Variants in CLCNKA observed in about 807,000 individuals in gnomAD.
CLCNKA encodes the protein chloride channel protein ClC-Ka.
CLCNKA carries 66 observed loss-of-function variants against 83.3 expected under a neutral mutation model. The ratio of observed to expected loss-of-function variants is 0.79; its 90% CI spans 0.65 to 0.97. The LOEUF (loss-of-function observed/expected upper bound fraction) is 0.97. CLCNKA is among the 50% of genes least tolerant of loss of function. The probability of loss-of-function intolerance (pLI) is 0.00; values close to 1 mark genes in which losing one functional copy is unlikely to be tolerated. For synonymous variants in CLCNKA, 357 were observed against 370.4 expected, an observed-to-expected ratio of 0.96 and a Z score of 0.42; for missense variants, 806 against 888.7, an observed-to-expected ratio of 0.91 and a Z score of 1.18.
intron 17 of CLCNKA, 62 bp downstream of exon 17, chr1:16,032,353 G>A: frequency 2.0e-6 from 3 of 1,538,082 alleles, no homozygotes; most frequent in Non-Finnish European, 2.7e-6. Context: ...TGGGAGGGGA[G>A]GGACCCGCTG....
Position 16,030,471 on chromosome 1 carries a change from C to T in CLCNKA, c.1419C>T (p.Ala473=). 1 of 1,612,752 alleles carries T rather than the reference C, an allele frequency of 6.2e-7. No individual in the cohort carries two copies. The highest frequency in any genetic ancestry group is 8.5e-7 in the Non-Finnish European group (1 of 1,179,936). The change falls in exon 15 of 20, where the codon GCC becomes GCT. Residue 473 remains alanine, a synonymous_variant. Transcript: ENST00000331433. ...GCTCTGCCCCGGCAGGGGCTGCAGC[C>T]TTCTCAGGGGCTGTGACCCACACCA... ...PGGYALAGAA[A]FSGAVTHTIS...
chr1:16,023,555 G>C (rs2022223956), intron 2 of CLCNKA, among the ~76,000 whole-genome samples: 1 of 152,192 alleles, frequency 6.6e-6, no homozygotes, highest in African/African-American at 2.4e-5. Flanking sequence ...GTAGCTCCAG[G>C]CTCACTCAGT....
chr1:16,026,274 G>GCCACCCCCCCCCCCCCACCCCCCCCCC, intron 5 of CLCNKA, 27 bp downstream of exon 5: 1 of 1,611,710 alleles, frequency 6.2e-7, no homozygotes, highest in South Asian at 1.1e-5. Flanking sequence ...GGGCACCCCA[G>GCCACCCCCCCCCCCCCACCCCCCCCCC]CCACCCCGCC....
In CLCNKA at chr1:16,026,731, C is replaced by G; in HGVS notation, c.611C>G (p.Ala204Gly). 1.9e-6 allele frequency: 3 copies of G among 1,613,606 alleles called. No individual in the cohort carries two copies. Among genetic ancestry groups the G allele is most frequent in the Non-Finnish European group, 2.5e-6 (3 of 1,179,838 alleles). Residue 204 changes from alanine to glycine, a missense_variant, in exon 7 of 20, where the codon GCG (alanine) becomes GGG (glycine). Physicochemically the swap from Ala to Gly is moderately conservative, Grantham distance 60. Transcript: ENST00000331433. ...AAGCAAAACGAAATGCTGGTGGCAG[C>G]GGCGGCAGTGGGCGTGGCCACAGTC... ...KSKQNEMLVA[A>G]AAVGVATVFA...
rs761719813 is a variant in CLCNKA at position 16,032,182 on chromosome 1, C to T, written c.1757-21C>T. On this transcript the variant is annotated intron_variant, in intron 16 of 19. Transcript: ENST00000331433. ...GTTTCTTCATAATGCACCTCCCTCC[C>T]TCTCCCTCTCTACTTGCCAGAGTCC... 2.5e-6 allele frequency: 4 copies of T among 1,604,852 alleles called. No homozygotes were observed. The South Asian group carries it at 4.4e-5, about 18-fold the overall frequency.
intron 13 of CLCNKA, 79 bp downstream of exon 13, chr1:16,029,879 G>T: frequency 6.2e-7 from 1 of 1,605,900 alleles, no homozygotes; most frequent in Admixed American, 1.7e-5. Flanking sequence ...CCCTCTTCCC[G>T]GGTGGTACTA....
chr1:16,029,015 G>A (rs1160005940), intron 11 of CLCNKA, 111 bp from the exon 12 acceptor site: 36 of 1,539,672 alleles, frequency 2.3e-5, no homozygotes, highest in Middle Eastern at 1.7e-4. Context: ...AAGGCCCCCC[G>A]CTGGGAAGTG....
intron 16 of CLCNKA, 102 bp downstream of exon 16, chr1:16,031,945 T>G (rs2022642791): frequency 3.2e-6 from 5 of 1,576,138 alleles, no homozygotes; most frequent in Non-Finnish European, 4.3e-6. Flanking sequence ...GCTCTGTGAC[T>G]TAGCAACCAA....
chr1:16,026,831 C>A (rs1438208903), intron 7 of CLCNKA, 56 bp downstream of exon 7: 1 of 1,599,910 alleles, frequency 6.3e-7, no homozygotes, highest in East Asian at 2.2e-5. Context: ...CCCCTCACAC[C>A]CTGGGCTCCC....
At chr1:16,028,503 C>G in intron 10 of CLCNKA, 1 of 651,674 alleles carries the variant, frequency 1.5e-6, no homozygotes, top group East Asian at 2.7e-5. Context: ...CCTAGCCTGC[C>G]TCTGCCCCAA....
rs138110172 is a variant in CLCNKA, at chr1:16,028,086, C to A, written c.935C>A (p.Thr312Asn). ...CQRTFLSFIKTNRYSSKLLAT... is the reference protein window; with the variant it reads ...CQRTFLSFIKNNRYSSKLLAT... ...CGAACCTTCCTCAGCTTCATCAAGA[C>A]CAATCGGTACAGCTCCAAACTGCTG... Residue 312 changes from threonine (T) to asparagine (N), a missense_variant, in exon 10 of 20, where the codon ACC (threonine) becomes AAC (asparagine). Physicochemically the swap from Thr to Asn is moderately conservative, Grantham distance 65. Coordinates refer to ENST00000331433, the MANE Select transcript of CLCNKA (RefSeq NM_004070.4). 1 of 1,577,602 alleles carries A rather than the reference C, an allele frequency of 6.3e-7. No homozygotes were observed. Among genetic ancestry groups the A allele is most frequent in the African/African-American group, 1.3e-5 (1 of 74,666 alleles).
chr1:16,033,163 C>T lies in CLCNKA; in HGVS notation c.1930-7C>T, dbSNP rs1207681431. 16 of 1,613,922 alleles carry T rather than the reference C, an allele frequency of 9.9e-6. No homozygotes were observed. The highest frequency in any genetic ancestry group is 1.4e-5 in the Non-Finnish European group (16 of 1,179,902). On this transcript the variant is annotated splice_polypyrimidine_tract_variant and splice_region_variant and intron_variant, in intron 18 of 19. Coordinates refer to ENST00000331433, the MANE Select transcript of CLCNKA (RefSeq NM_004070.4). ...CCTCCAGTGTTTCCTAACAATCCCC[C>T]ATCCAGGCACAAAACCTCTTTAAGC...
chr1:16,024,374 G>A (rs2022265458), intron 3 of CLCNKA, among the ~76,000 whole-genome samples: 1 of 152,214 alleles, frequency 6.6e-6, no homozygotes, highest in South Asian at 2.1e-4. Context: ...ACCCTCAGCT[G>A]CCAGAAGCAG....
Position 16,029,978 on chromosome 1 carries a change from G to A in CLCNKA, c.1311G>A (p.Gly437=). 1 of 1,611,846 alleles carries A rather than the reference G, an allele frequency of 6.2e-7. No homozygotes were observed. Among genetic ancestry groups the A allele is most frequent in the Non-Finnish European group, 8.5e-7 (1 of 1,178,232 alleles). ...GTCTGTGGCCAGGAGCTGCCATCGG[G>A]CGCCTCTTGGGAGAGGCTCTTGCCG... The part of the protein sequence containing the change: ...MPIFILGAAI[G]RLLGEALAVA... Residue 437 remains glycine, a synonymous_variant, in exon 14 of 20, where the codon GGG becomes GGA. Coordinates refer to ENST00000331433, the MANE Select transcript of CLCNKA (RefSeq NM_004070.4).
Position 16,023,912 on chromosome 1 carries a change from C to A in CLCNKA, c.213C>A (p.Ile71=). 1 of 1,614,128 alleles carries A rather than the reference C, an allele frequency of 6.2e-7. No homozygotes were observed. Among genetic ancestry groups the A allele is most frequent in the Non-Finnish European group, 8.5e-7 (1 of 1,179,996 alleles). ...ALVSYAMNFA[I]GCVVRAHQWL... ...TCAGCTATGCCATGAACTTTGCCATCGGGTGTGTGGTCCGAGGTAACTCTT... is the reference window on the plus strand; with the variant it reads ...TCAGCTATGCCATGAACTTTGCCATAGGGTGTGTGGTCCGAGGTAACTCTT... Residue 71 remains isoleucine (I), a synonymous_variant, in exon 3 of 20, where the codon ATC becomes ATA. Transcript: ENST00000331433.
At chr1:16,033,020 C>T in intron 18 of CLCNKA, 150 bp from the exon 19 acceptor site, 1 of 846,978 alleles carries the variant, frequency 1.2e-6, no homozygotes, top group South Asian at 1.4e-5. Flanking sequence ...CCCCCAGTGG[C>T]CCACACTGGA....
rs1298531981 is a variant in CLCNKA at position 16,023,008 on chromosome 1, G to A, written c.100+289G>A. Among the ~76,000 whole-genome samples, 3 of 152,248 alleles carry A rather than the reference G, an allele frequency of 2.0e-5. No individual in the cohort carries two copies. The East Asian group carries it at 5.8e-4, about 29-fold the overall frequency. On this transcript the variant is annotated intron_variant, in intron 2 of 19. Transcript: ENST00000331433. ...CTCCCTCACCTACCTGTGCCAATGA[G>A]GGGACGTGGGGGTTAGCTGCTGGGA...
chr1:16,033,515 G>T (rs1016922515), intron 19 of CLCNKA, 96 bp from the exon 20 acceptor site: 29 of 1,101,724 alleles, frequency 2.6e-5, no homozygotes, highest in Non-Finnish European at 3.9e-5. Context: ...CTACTATTCA[G>T]CCTGGAAATG....
chr1:16,025,915 C>T (rs1002231758), intron 4 of CLCNKA, among the ~76,000 whole-genome samples, 193 bp from the exon 5 acceptor site: 7 of 152,088 alleles, frequency 4.6e-5, no homozygotes, highest in Admixed American at 2.6e-4. Context: ...CCACCATGCC[C>T]GGCTAATTTT....
Sources: gnomAD v4.1 joint callset for allele counts (sites outside exome capture counted in the v4.1 genomes callset) on GRCh38, gnomAD v4.1.1 for gene constraint, MANE v1.5 for transcripts, NCBI Gene and HGNC (gene_info 2026-07-23, HGNC 2026-07-21) for gene names.